TRPC4: variants seen among roughly 807,000 people sequenced by gnomAD.
The protein encoded by TRPC4 is transient receptor potential cation channel subfamily C member 4, also known as short transient receptor potential channel 4.
In TRPC4, 49 loss-of-function variants were observed where a neutral mutation model predicts 99.4. That is an observed-to-expected ratio of 0.49 (90% CI 0.39 to 0.63). The LOEUF is 0.63. TRPC4 is among the 20% of genes least tolerant of loss of function. The probability of loss-of-function intolerance (pLI) is 0.00; values close to 1 mark genes in which losing one functional copy is unlikely to be tolerated. For missense variants in TRPC4, 898 were observed against 1,152.9 expected, an observed-to-expected ratio of 0.78 and a Z score of 3.20; for synonymous variants, 454 against 425.9, an observed-to-expected ratio of 1.07 and a Z score of -0.81.
At chr13:37,760,443 G>C (rs914233989) in intron 2 of TRPC4, among the ~76,000 whole-genome samples, 1 of 151,898 alleles carries the variant, frequency 6.6e-6, no homozygotes, top group Non-Finnish European at 1.5e-5. Flanking sequence ...ATGGAGGAAG[G>C]GGGAAGGGAA....
chr13:37,642,954 A>T (rs1396294055), intron 8 of TRPC4, among the ~76,000 whole-genome samples: 1 of 151,566 alleles, frequency 6.6e-6, no homozygotes, highest in African/African-American at 2.4e-5. Context: ...CTGATCTCGA[A>T]CTCCTGACCT....
At chr13:37,812,566 C>T (rs990346299) in intron 1 of TRPC4, among the ~76,000 whole-genome samples, 1 of 151,528 alleles carries the variant, frequency 6.6e-6, no homozygotes, top group African/African-American at 2.4e-5. Context: ...AAAGACATAG[C>T]AATAGAAAGT....
rs188520219 is a variant in TRPC4 at position 37,791,597 on chromosome 13, T to C, written c.-27-8237A>G. Among the ~76,000 whole-genome samples the C allele has an allele frequency of 2.0e-5, 3 of 152,216 alleles. No individual in the cohort carries two copies. The East Asian group carries it at 5.8e-4, about 29-fold the overall frequency. ...CAATACCATGGTGAATGAGTACCAA[T>C]GTCCTGCACTCACAGAGTTTATGAT... is the stretch of plus-strand genomic sequence containing the variant. On this transcript the variant is annotated intron_variant, in intron 1 of 10. Coordinates refer to ENST00000379705, the MANE Select transcript of TRPC4 (RefSeq NM_016179.4).
intron 2 of TRPC4, among the ~76,000 whole-genome samples, chr13:37,756,223 A>C (rs1344479123): frequency 6.6e-6 from 1 of 152,166 alleles, no homozygotes; most frequent in East Asian, 1.9e-4. Flanking sequence ...ACTTATACAA[A>C]AGCAAGTGGT....
chr13:37,645,913 A>G (rs1197736126), intron 8 of TRPC4, among the ~76,000 whole-genome samples: 3 of 152,258 alleles, frequency 2.0e-5, no homozygotes, highest in South Asian at 2.1e-4. Context: ...TTTCATCAAA[A>G]GGCCCTGCCA....
intron 2 of TRPC4, among the ~76,000 whole-genome samples, chr13:37,781,808 A>AT (rs759320096): frequency 7.2e-5 from 11 of 152,202 alleles, no homozygotes; most frequent in Admixed American, 1.3e-4. Flanking sequence ...AAAAGGGACC[A>AT]TAAAAACACA....
At chr13:37,722,780 GTAAA>G (rs1259850114) in intron 3 of TRPC4, among the ~76,000 whole-genome samples, 1 of 151,690 alleles carries the variant, frequency 6.6e-6, no homozygotes, top group Non-Finnish European at 1.5e-5. Context: ...ATGTTAATTA[GTAAA>G]TAAACACTTA....
chr13:37,662,300 ACT>A (rs1215187222), intron 6 of TRPC4, among the ~76,000 whole-genome samples: 1 of 144,730 alleles, frequency 6.9e-6, no homozygotes, highest in Non-Finnish European at 1.5e-5. Context: ...ACTGAGCAAA[ACT>A]CTGCCTTAAA....
At chr13:37,865,660 T>C (rs1310300137) in intron 1 of TRPC4, among the ~76,000 whole-genome samples, 1 of 151,580 alleles carries the variant, frequency 6.6e-6, no homozygotes. Flanking sequence ...AAGAAACAAA[T>C]AGCTGAAAAA....
intron 1 of TRPC4, among the ~76,000 whole-genome samples, chr13:37,793,190 A>G (rs1166632272): frequency 2.0e-5 from 3 of 152,234 alleles, no homozygotes; most frequent in Non-Finnish European, 4.4e-5. Flanking sequence ...ATGATAGGAA[A>G]ATATAAATAA....
chr13:37,764,291 A>G (rs1459943269), intron 2 of TRPC4, among the ~76,000 whole-genome samples: 1 of 151,434 alleles, frequency 6.6e-6, no homozygotes, highest in Non-Finnish European at 1.5e-5. Context: ...CTCTCTTTTT[A>G]TAAGTATATA....
intron 1 of TRPC4, among the ~76,000 whole-genome samples, chr13:37,819,026 A>G (rs1438281072): frequency 6.6e-6 from 1 of 152,074 alleles, no homozygotes; most frequent in Non-Finnish European, 1.5e-5. Flanking sequence ...AAAGGTTATG[A>G]ACAGACACTT....
At chr13:37,798,087 T>C (rs1957304083) in intron 1 of TRPC4, among the ~76,000 whole-genome samples, 1 of 152,192 alleles carries the variant, frequency 6.6e-6, no homozygotes, top group Admixed American at 6.5e-5. Context: ...TTAGCAGATA[T>C]GATAAGATTA....
At chr13:37,735,781 T>A (rs1445632955) in intron 3 of TRPC4, among the ~76,000 whole-genome samples, 1 of 152,222 alleles carries the variant, frequency 6.6e-6, no homozygotes, top group African/African-American at 2.4e-5. Flanking sequence ...TATGTACATT[T>A]TCTCAGGTGA....
intron 1 of TRPC4, among the ~76,000 whole-genome samples, chr13:37,834,728 A>C (rs1958514408): frequency 6.6e-6 from 1 of 151,898 alleles, no homozygotes; most frequent in South Asian, 2.1e-4. Context: ...TTATTTATTT[A>C]TTTATTACAT....
intron 6 of TRPC4, among the ~76,000 whole-genome samples, chr13:37,662,946 T>C (rs1223989017): frequency 6.6e-6 from 1 of 152,210 alleles, no homozygotes; most frequent in Non-Finnish European, 1.5e-5. Context: ...TTTGCACTAT[T>C]TTTAGATGGT....
At chr13:37,777,317 G>A (rs67183893) in intron 2 of TRPC4, among the ~76,000 whole-genome samples, 10,032 of 151,902 alleles carry the variant, frequency 0.066, 396 homozygotes, top group Non-Finnish European at 0.091. Flanking sequence ...TTACAATCAT[G>A]GCAGAAGAGT....
chr13:37,783,844 A>T (rs1264835978), intron 1 of TRPC4, among the ~76,000 whole-genome samples: 2 of 151,860 alleles, frequency 1.3e-5, no homozygotes, highest in Non-Finnish European at 2.9e-5. Context: ...TTAATTTGTC[A>T]TATATTTGTT....
At chr13:37,858,998 TG>T (rs1297863940) in intron 1 of TRPC4, among the ~76,000 whole-genome samples, 1 of 151,464 alleles carries the variant, frequency 6.6e-6, no homozygotes, top group East Asian at 1.9e-4. Flanking sequence ...TTCCATGATG[TG>T]ATTATTACTG....
Sources: gnomAD v4.1 joint callset for allele counts (sites outside exome capture counted in the v4.1 genomes callset) on GRCh38, gnomAD v4.1.1 for gene constraint, MANE v1.5 for transcripts, NCBI Gene and HGNC (gene_info 2026-07-23, HGNC 2026-07-21) for gene names.